VPS13B: variants seen among roughly 807,000 people sequenced by gnomAD.
VPS13B encodes the protein intermembrane lipid transfer protein VPS13B.
A neutral mutation model predicts 426.4 loss-of-function variants in VPS13B; 285 were observed. The observed-to-expected ratio is 0.67, with a 90% CI of 0.61 to 0.74. VPS13B has a LOEUF of 0.74. VPS13B is among the 30% of genes least tolerant of loss of function. VPS13B has a pLI of 0.00. For missense variants in VPS13B, 4,537 were observed against 4,782.6 expected (o/e 0.95, Z 1.51); for synonymous variants, 1,676 against 1,676.4 (o/e 1.00, Z 0.01).
chr8:99,711,512 A>G (rs1261900440), intron 36 of VPS13B, among the ~76,000 whole-genome samples: 1 of 152,158 alleles, frequency 6.6e-6, no homozygotes, highest in East Asian at 1.9e-4. Context: ...GCAAATAAAA[A>G]CTGTAGAATG....
chr8:99,759,177 T>C (rs1810793400), intron 39 of VPS13B, among the ~76,000 whole-genome samples: 1 of 152,092 alleles, frequency 6.6e-6, no homozygotes, highest in Non-Finnish European at 1.5e-5. Context: ...TGATCTCATA[T>C]CTCTAGGAAT....
intron 57 of VPS13B, among the ~76,000 whole-genome samples, chr8:99,860,853 A>G (rs575580118): frequency 1.3e-5 from 2 of 152,354 alleles, no homozygotes; most frequent in African/African-American, 4.8e-5. Context: ...CACGGCTCTC[A>G]CATGATTTAC....
At chr8:99,635,592 C>T (rs185825394) in intron 33 of VPS13B, among the ~76,000 whole-genome samples, 2 of 152,010 alleles carry the variant, frequency 1.3e-5, no homozygotes, top group Admixed American at 1.3e-4. Context: ...TTCTTGTCAG[C>T]CATCAAAACA....
intron 33 of VPS13B, among the ~76,000 whole-genome samples, chr8:99,583,456 G>A (rs1052106993): frequency 6.6e-6 from 1 of 152,032 alleles, no homozygotes; most frequent in African/African-American, 2.4e-5. Context: ...ATAATGCATT[G>A]GGCTTTTTTG....
intron 21 of VPS13B, among the ~76,000 whole-genome samples, chr8:99,405,802 G>A (rs1322366881): frequency 6.8e-6 from 1 of 146,972 alleles, no homozygotes; most frequent in African/African-American, 2.5e-5. Context: ...TCCTTGAGAT[G>A]GAGTCTTGCT....
chr8:99,556,365 C>G (rs1487024), intron 30 of VPS13B, 85 bp from the exon 31 acceptor site: 7 of 1,415,952 alleles, frequency 4.9e-6, no homozygotes, highest in Non-Finnish European at 6.8e-6. Context: ...GGTATTGACA[C>G]TATGTTAGTG....
intron 19 of VPS13B, among the ~76,000 whole-genome samples, chr8:99,278,068 A>T (rs576007598): frequency 6.6e-6 from 1 of 152,152 alleles, no homozygotes; most frequent in South Asian, 2.1e-4. Flanking sequence ...GTTTTCAGAA[A>T]CAGATAGATG....
At chr8:99,429,447 TA>T (rs764461338) in intron 21 of VPS13B, 2 of 152,212 alleles carry the variant, frequency 1.3e-5, no homozygotes, top group African/African-American at 2.4e-5. Flanking sequence ...TTATCTTGTC[TA>T]TTTTTTTATA....
chr8:99,858,701 CCT>C lies in VPS13B; in HGVS notation c.10868-602_10868-601del, dbSNP rs200552116. 2.3e-3 allele frequency among the ~76,000 whole-genome samples: 344 copies of C among 152,150 alleles called. 8 individuals are homozygous for C. In the East Asian group the frequency reaches 0.043, roughly 19 times the overall value. On this transcript the variant is annotated intron_variant, in intron 56 of 61. Transcript: ENST00000357162. ...CTCGATCTCAAAAAAAAAAAATGTC[CCT>C]GTCTCTGGTGTTTACATAACCGGAG... is the stretch of plus-strand genomic sequence containing the variant.
At chr8:99,759,805 A>G (rs1301950023) in intron 39 of VPS13B, among the ~76,000 whole-genome samples, 1 of 152,124 alleles carries the variant, frequency 6.6e-6, no homozygotes. Context: ...CTTCTCAGCC[A>G]ATCAATCAAT....
intron 4 of VPS13B, among the ~76,000 whole-genome samples, chr8:99,097,585 T>C (rs951898397): frequency 1.1e-4 from 17 of 152,098 alleles, no homozygotes; most frequent in African/African-American, 4.1e-4. Context: ...TCCAGGTGTG[T>C]GTGGCTTCTG....
intron 27 of VPS13B, among the ~76,000 whole-genome samples, chr8:99,504,519 C>T (rs1821397392): frequency 1.3e-5 from 2 of 152,262 alleles, no homozygotes; most frequent in South Asian, 4.1e-4. Context: ...TTGTATATCT[C>T]CATTGGAACT....
At chr8:99,540,688 CA>C (rs1176015786) in intron 30 of VPS13B, among the ~76,000 whole-genome samples, 1 of 152,088 alleles carries the variant, frequency 6.6e-6, no homozygotes, top group Admixed American at 6.5e-5. Context: ...AAGAATTTAT[CA>C]GTAAAATAAT....
rs200265652 is a variant in VPS13B at position 99,454,251 on chromosome 8, CAT to C, written c.3445+11618_3445+11619del. On this transcript the variant is annotated intron_variant, in intron 23 of 61. Transcript: ENST00000357162. ...CCAGGCTAGAGTGTAGTGGCACAAT[CAT>C]AGCTCACTGCAGCCTCAAACTCCTG... is the stretch of plus-strand genomic sequence containing the variant. Among the ~76,000 whole-genome samples, 1,128 of 152,212 alleles carry C rather than the reference CAT, an allele frequency of 7.4e-3. 8 individuals carry two copies. Among genetic ancestry groups the C allele is most frequent in the Non-Finnish European group, 0.012 (824 of 68,004 alleles).
intron 17 of VPS13B, among the ~76,000 whole-genome samples, chr8:99,204,592 AT>A (rs1355296774): frequency 2.0e-5 from 3 of 152,208 alleles, no homozygotes; most frequent in African/African-American, 7.2e-5. Context: ...ATGGGAGAAA[AT>A]TTTTGTAATC....
At chr8:99,391,851 A>C (rs1274666227) in intron 21 of VPS13B, 147 bp downstream of exon 21, 5 of 1,152,074 alleles carry the variant, frequency 4.3e-6, no homozygotes, top group Non-Finnish European at 5.0e-6. Flanking sequence ...CATTAGCAAT[A>C]ATCACAGTAT....
intron 43 of VPS13B, among the ~76,000 whole-genome samples, chr8:99,801,059 T>G (rs551122559): frequency 1.3e-5 from 2 of 152,190 alleles, no homozygotes; most frequent in African/African-American, 4.8e-5. Context: ...AGTGACTTTC[T>G]TGTCAGTTAC....
chr8:99,853,931 C>G lies in VPS13B; in HGVS notation c.10542C>G (p.Tyr3514Ter). Residue 3514 changes from tyrosine (Y) to a stop codon, truncating the protein, a stop_gained, in exon 56 of 62, where the codon TAC (tyrosine) becomes TAG (stop). Coordinates refer to ENST00000357162, the MANE Select transcript of VPS13B (RefSeq NM_152564.5). LOFTEE classifies it high-confidence loss of function. ...ARLYVEDTFVYYIKTLFDTYL... is the reference protein window; with the variant it reads ...ARLYVEDTFV ...TATACGTGGAAGACACATTTGTATACTACATCAAGACTTTGTTTGACACCT... is the reference window on the plus strand; with the variant it reads ...TATACGTGGAAGACACATTTGTATAGTACATCAAGACTTTGTTTGACACCT... 6.2e-7 allele frequency: 1 copy of G among 1,614,230 alleles called. No individual in the cohort carries two copies. The highest frequency in any genetic ancestry group is 8.5e-7 in the Non-Finnish European group (1 of 1,180,050).
chr8:99,862,875 T>A (rs1404732324), intron 58 of VPS13B, among the ~76,000 whole-genome samples: 1 of 152,212 alleles, frequency 6.6e-6, no homozygotes, highest in Non-Finnish European at 1.5e-5. Flanking sequence ...GGTAAAAACA[T>A]TCAGTGGTGT....
Sources: gnomAD v4.1 joint callset for allele counts (sites outside exome capture counted in the v4.1 genomes callset) on GRCh38, gnomAD v4.1.1 for gene constraint, MANE v1.5 for transcripts, NCBI Gene and HGNC (gene_info 2026-07-23, HGNC 2026-07-21) for gene names.